Variants in SNX30 observed in about 807,000 individuals in gnomAD.
The protein encoded by SNX30 is sorting nexin-30.
A neutral mutation model predicts 46.4 loss-of-function variants in SNX30; 24 were observed. The ratio of observed to expected loss-of-function variants is 0.52; its 90% confidence interval spans 0.37 to 0.73. The LOEUF is 0.73. Among genes scored for constraint, SNX30 ranks in the 30% least tolerant of loss-of-function variants. SNX30 has a pLI of 0.00. For missense variants in SNX30, 533 were observed against 555.7 expected (o/e 0.96, Z 0.41); for synonymous variants, 189 against 211.5 (o/e 0.89, Z 0.92).
downstream of SNX30, chr9:112,875,772 T>G (rs1332971308): frequency 6.6e-6 from 1 of 152,222 alleles, no homozygotes; most frequent in Non-Finnish European, 1.5e-5. Context: ...TCATGTATGC[T>G]TTGCCAGTTT....
At chr9:112,836,830 C>G (rs1840761527) in intron 5 of SNX30, among the ~76,000 whole-genome samples, 1 of 152,088 alleles carries the variant, frequency 6.6e-6, no homozygotes, top group African/African-American at 2.4e-5. Flanking sequence ...AAGTTATGAC[C>G]CTGATGAATC....
chr9:112,797,768 G>A (rs11792726), intron 1 of SNX30, among the ~76,000 whole-genome samples: 16 of 136,358 alleles, frequency 1.2e-4, no homozygotes, highest in Admixed American at 9.7e-4. Flanking sequence ...GGAGTGCAGT[G>A]GCATGATCCC....
At chr9:112,859,434 C>G (rs1841192653) in intron 7 of SNX30, among the ~76,000 whole-genome samples, 1 of 152,150 alleles carries the variant, frequency 6.6e-6, no homozygotes, top group South Asian at 2.1e-4. Flanking sequence ...ACAAGTATCT[C>G]TGAGACCCTG....
intron 1 of SNX30, among the ~76,000 whole-genome samples, chr9:112,781,324 C>G (rs1261650757): frequency 6.6e-6 from 1 of 152,116 alleles, no homozygotes; most frequent in Non-Finnish European, 1.5e-5. Context: ...TTTCAAAACC[C>G]TTAATATGTT....
At chr9:112,866,986 TC>T (rs1308024975) in intron 8 of SNX30, among the ~76,000 whole-genome samples, 10 of 142,458 alleles carry the variant, frequency 7.0e-5, no homozygotes, top group African/African-American at 2.7e-4. Context: ...TCCTCAGAAT[TC>T]CTTCTCCCTC....
intron 3 of SNX30, among the ~76,000 whole-genome samples, 196 bp downstream of exon 3, chr9:112,818,011 G>C (rs1466035700): frequency 6.6e-6 from 1 of 152,068 alleles, no homozygotes; most frequent in Non-Finnish European, 1.5e-5. Flanking sequence ...AGCCAGTTTT[G>C]CGGCTGGCTG....
chr9:112,833,747 C>T (rs550353078), intron 4 of SNX30, among the ~76,000 whole-genome samples: 45 of 152,288 alleles, frequency 3.0e-4, no homozygotes, highest in African/African-American at 9.1e-4. Flanking sequence ...CTCGTAAAAA[C>T]GCTGTCTGCA....
At chr9:112,806,839 T>A (rs960191564) in intron 2 of SNX30, among the ~76,000 whole-genome samples, 6 of 152,142 alleles carry the variant, frequency 3.9e-5, no homozygotes, top group African/African-American at 1.4e-4. Context: ...ATAGTTAGAA[T>A]GTATATGATT....
At chr9:112,816,654 T>G (rs1840399908) in intron 2 of SNX30, among the ~76,000 whole-genome samples, 1 of 152,228 alleles carries the variant, frequency 6.6e-6, no homozygotes. Flanking sequence ...CTAGAGCTGT[T>G]CACAGCTTTT....
chr9:112,770,607 C>T lies in SNX30; in HGVS notation c.156+19450C>T, dbSNP rs573404293. Among the ~76,000 whole-genome samples the T allele has an allele frequency of 1.4e-4, 21 of 152,340 alleles. No homozygotes were observed. In the East Asian group the frequency reaches 4.0e-3, roughly 29 times the overall value. Reference sequence around the variant, plus strand: ...GGCCTCCGTCCACTTCTCTCTCCCCCTGCCCACTCCCTTGCCTCACGCCTT... The same window carrying T: ...GGCCTCCGTCCACTTCTCTCTCCCCTTGCCCACTCCCTTGCCTCACGCCTT... On this transcript the variant is annotated intron_variant, in intron 1 of 8. Coordinates refer to ENST00000374232, the MANE Select transcript of SNX30 (RefSeq NM_001012994.2).
chr9:112,791,777 A>G (rs965491127), intron 1 of SNX30, among the ~76,000 whole-genome samples: 2 of 152,202 alleles, frequency 1.3e-5, no homozygotes, highest in Non-Finnish European at 2.9e-5. Flanking sequence ...GAGTGATGCC[A>G]GTAAATATTT....
Position 112,869,023 on chromosome 9 carries a change from A to G in SNX30, c.*180A>G, listed in dbSNP as rs1841404464. 6.4e-6 allele frequency: 4 copies of G among 625,394 alleles called. No homozygotes were observed. Among genetic ancestry groups the G allele is most frequent in the Non-Finnish European group, 1.1e-5 (4 of 350,780 alleles). The allele number at this position is 625,394 out of a possible 1,614,324, so 38.7% of individuals were successfully genotyped here. ...GTGGTTTTCAATTAGTATTTATTCC[A>G]TGGTGGAGTCTGTGAGGCTAGAATA... is the stretch of plus-strand genomic sequence containing the variant. On this transcript the variant is annotated 3_prime_UTR_variant, in exon 9 of 9. Coordinates refer to ENST00000374232, the MANE Select transcript of SNX30 (RefSeq NM_001012994.2).
chr9:112,840,552 C>T (rs1330948721), intron 6 of SNX30, among the ~76,000 whole-genome samples: 2 of 152,160 alleles, frequency 1.3e-5, no homozygotes, highest in African/African-American at 4.8e-5. Context: ...GTGGCACAAT[C>T]GTGGCTCACT....
intron 1 of SNX30, among the ~76,000 whole-genome samples, chr9:112,764,140 T>C (rs892736055): frequency 6.6e-6 from 1 of 152,086 alleles, no homozygotes; most frequent in African/African-American, 2.4e-5. Context: ...AAGAAGATGA[T>C]GTTTGAGCTG....
At chr9:112,776,718 G>A (rs965374545) in intron 1 of SNX30, among the ~76,000 whole-genome samples, 16 of 152,232 alleles carry the variant, frequency 1.1e-4, no homozygotes, top group Admixed American at 9.2e-4. Context: ...TGAGTGGATA[G>A]GGGTGGGGTA....
At chr9:112,882,880 G>C (rs1406806414), downstream of SNX30, among the ~76,000 whole-genome samples, 1 of 152,150 alleles carries the variant, frequency 6.6e-6, no homozygotes, top group Non-Finnish European at 1.5e-5. Flanking sequence ...TGAGAAGACA[G>C]CCCAGAATAG....
intron 2 of SNX30, among the ~76,000 whole-genome samples, chr9:112,815,448 C>G (rs956066093): frequency 1.3e-5 from 2 of 151,850 alleles, no homozygotes; most frequent in East Asian, 3.9e-4. Context: ...GCAGCCTCCC[C>G]CTCTGGGGTT....
At chr9:112,844,569 C>T (rs1378231496) in intron 6 of SNX30, among the ~76,000 whole-genome samples, 1 of 152,106 alleles carries the variant, frequency 6.6e-6, no homozygotes, top group Non-Finnish European at 1.5e-5. Context: ...CAAAGGAGCC[C>T]ACAAAGGAAG....
chr9:112,780,211 G>A (rs540562222), intron 1 of SNX30, among the ~76,000 whole-genome samples: 1 of 152,320 alleles, frequency 6.6e-6, no homozygotes, highest in African/African-American at 2.4e-5. Context: ...GTACATGTAT[G>A]TATATGAGCA....
Sources: allele counts gnomAD v4.1 joint callset (sites outside exome capture counted in the v4.1 genomes callset), GRCh38; gene constraint gnomAD v4.1.1; transcripts MANE v1.5; gene names NCBI Gene and HGNC (gene_info 2026-07-23, HGNC 2026-07-21).